Variants in CALML6 observed in about 807,000 individuals in gnomAD.
CALML6 encodes calmodulin like 6.
In CALML6, 27 loss-of-function variants were observed where a neutral mutation model predicts 25.0. The ratio of observed to expected loss-of-function variants is 1.08; its 90% CI spans 0.80 to 1.49. The LOEUF (loss-of-function observed/expected upper bound fraction) is 1.49, where lower values mean the gene tolerates loss of function less well. Among genes scored for constraint, CALML6 ranks in the 40% most tolerant of loss-of-function variants. The pLI is 0.00. For missense variants in CALML6, 239 were observed against 232.7 expected (o/e 1.03, Z -0.18); for synonymous variants, 97 against 87.2 (o/e 1.11, Z -0.63).
Position 1,917,181 on chromosome 1 carries a change from G to T in CALML6, c.534G>T (p.Lys178Asn). ...FVAMMTGESF[K>N]LIQ is the part of the protein sequence containing the mutation. ...CCATGATGACGGGGGAGTCCTTCAA[G>T]CTGATCCAGTAGGTGCAGCTGCCGC... is the stretch of plus-strand genomic sequence containing the variant. The change falls in exon 6 of 6, where the codon AAG becomes AAT. Residue 178 changes from lysine to asparagine, a missense_variant. This residue lies in a region of CALML6 where 231 missense variants were observed against 210.9 expected (regional missense o/e 1.10). Transcript: ENST00000307786. 6.2e-7 allele frequency: 1 copy of T among 1,604,226 alleles called. No homozygotes were observed. The highest frequency in any genetic ancestry group is 8.5e-7 in the Non-Finnish European group (1 of 1,176,846).
intron 2 of CALML6, 40 bp downstream of exon 2, chr1:1,915,775 CT>C: frequency 6.2e-7 from 1 of 1,604,310 alleles, no homozygotes; most frequent in Non-Finnish European, 8.5e-7. Flanking sequence ...CTCTGGTGGG[CT>C]GGCTGGGTAG....
At position 1,916,655 on chromosome 1, in the gene CALML6, G is replaced by A. The variant is rs200019110; in HGVS notation, c.253+40G>A. ...GGAGTGGGGTGGGCAGCCTCGGGGGGGCCCTGGGTCAGGTGTCAGTGCCTA... is the reference window on the plus strand; with the variant it reads ...GGAGTGGGGTGGGCAGCCTCGGGGGAGCCCTGGGTCAGGTGTCAGTGCCTA... On this transcript the variant is annotated intron_variant, in intron 3 of 5. Transcript: ENST00000307786. The A allele has an allele frequency of 1.9e-4, 305 of 1,602,994 alleles. 1 individual carries two copies. The African/African-American group carries it at 3.1e-3, about 16-fold the overall frequency.
intron 1 of CALML6, 65 bp from the exon 2 acceptor site, chr1:1,915,620 G>T: frequency 6.4e-7 from 1 of 1,562,496 alleles, no homozygotes; most frequent in South Asian, 1.1e-5. Flanking sequence ...GGACCCCGGG[G>T]ACCCCAGGCA....
In CALML6 at chr1:1,916,960, G is replaced by A. The variant is rs201599990; in HGVS notation, c.399-14G>A. ...GGCAGGGCCGATGGAGTGGCTCAGC[G>A]CCAGGCCCCGTAGGTACGTGCTAAT... On this transcript the variant is annotated splice_polypyrimidine_tract_variant and intron_variant, in intron 4 of 5. Coordinates refer to ENST00000307786, the MANE Select transcript of CALML6 (RefSeq NM_138705.4). 6 of 1,611,066 alleles carry A rather than the reference G, an allele frequency of 3.7e-6. No homozygotes were observed. Among genetic ancestry groups the A allele is most frequent in the Admixed American group, 1.7e-5 (1 of 59,920 alleles).
At position 1,917,238 on chromosome 1, in the gene CALML6, G is replaced by T. The variant is rs1161429395; in HGVS notation, c.*45G>T. The T allele has an allele frequency of 2.6e-6, 4 of 1,540,766 alleles. No individual in the cohort carries two copies. Among genetic ancestry groups the T allele is most frequent in the Non-Finnish European group, 3.5e-6 (4 of 1,143,604 alleles). On this transcript the variant is annotated 3_prime_UTR_variant, in exon 6 of 6. Transcript: ENST00000307786. ...GGGAGGCCTGCCCGGGAAGGCTGCT[G>T]CCCCTGCCCCCTGGCCCCCACTCCC...
intron 1 of CALML6, 60 bp downstream of exon 1, chr1:1,915,367 T>C: frequency 6.5e-7 from 1 of 1,548,096 alleles, no homozygotes; most frequent in Non-Finnish European, 8.7e-7. Context: ...GCCGCACCTC[T>C]GGGAAGGTAG....
intron 4 of CALML6, 27 bp from the exon 5 acceptor site, chr1:1,916,947 G>A: frequency 6.2e-7 from 1 of 1,611,514 alleles, no homozygotes; most frequent in Non-Finnish European, 8.5e-7. Context: ...CAGGGCCGAT[G>A]GAGTGGCTCA....
At chr1:1,916,638 G>A (rs773725031) in intron 3 of CALML6, 23 bp downstream of exon 3, 5 of 1,602,240 alleles carry the variant, frequency 3.1e-6, no homozygotes, top group South Asian at 1.1e-5. Context: ...CTGGAGTGGG[G>A]TGGGCAGCCT....
chr1:1,915,680 C>T lies in CALML6; in HGVS notation c.28-5C>T. On this transcript the variant is annotated splice_region_variant and splice_polypyrimidine_tract_variant and intron_variant, in intron 1 of 5. Coordinates refer to ENST00000307786, the MANE Select transcript of CALML6 (RefSeq NM_138705.4). ...GCCACCACTGCCCCAGCACTCTGCC[C>T]ACAGCAGCCCTGGTGTCACCACCCT... 1 of 1,613,176 alleles carries T rather than the reference C, an allele frequency of 6.2e-7. No homozygotes were observed. Among genetic ancestry groups the T allele is most frequent in the Non-Finnish European group, 8.5e-7 (1 of 1,179,920 alleles).
rs771480524 is a variant in CALML6 at position 1,916,868 on chromosome 1, A to G, written c.370A>G (p.Lys124Glu). The part of the protein sequence containing the change: ...AAFRVFDKEG[K>E]GYIDWNTLKY... Reference sequence around the variant, plus strand: ...ATTCCGTGTCTTTGACAAAGAGGGCAAGGGCTACATTGACTGGAACACACT... The same window carrying G: ...ATTCCGTGTCTTTGACAAAGAGGGCGAGGGCTACATTGACTGGAACACACT... Residue 124 changes from lysine to glutamate, a missense_variant, in exon 4 of 6, where the codon AAG becomes GAG. By Grantham distance (56) the Lys-to-Glu change is moderately conservative. Around this residue, in one of 2 missense-constraint regions of CALML6, gnomAD observed 231 missense variants for 210.9 expected, o/e 1.10. Transcript: ENST00000307786. 3 of 1,560,532 alleles carry G rather than the reference A, an allele frequency of 1.9e-6. No homozygotes were observed. Among genetic ancestry groups the G allele is most frequent in the Non-Finnish European group, 2.6e-6 (3 of 1,150,872 alleles).
chr1:1,915,333 G>A (rs1253021792), intron 1 of CALML6, 26 bp downstream of exon 1: 9 of 1,551,322 alleles, frequency 5.8e-6, no homozygotes, highest in Non-Finnish European at 7.8e-6. Flanking sequence ...ATGGGACCAG[G>A]GTCCCATGAA....
rs990822511 is a variant in CALML6 at position 1,915,751 on chromosome 1, G to A, written c.78+16G>A. On this transcript the variant is annotated intron_variant, in intron 2 of 5. Transcript: ENST00000307786. ...CACCGACATGGTAAGGCTGCTCTCT[G>A]TGCCCGATGGAGTCTCTGGTGGGCT... 12 of 1,612,858 alleles carry A rather than the reference G, an allele frequency of 7.4e-6. No individual in the cohort carries two copies. Among genetic ancestry groups the A allele is most frequent in the Non-Finnish European group, 1.0e-5 (12 of 1,179,720 alleles).
Position 1,916,475 on chromosome 1 carries a change from A to G in CALML6, c.113A>G (p.Tyr38Cys), listed in dbSNP as rs1651115780. ...CTGTCGGCTGAGCAGATCAAGGAGT[A>G]CAAGGGAGTCTTTGAGATGTTCGAC... Reference protein sequence around the residue: ...ERLSAEQIKEYKGVFEMFDEE... With the variant: ...ERLSAEQIKECKGVFEMFDEE... Residue 38 changes from tyrosine (Y) to cysteine (C), a missense_variant, in exon 3 of 6, where the codon TAC becomes TGC. By Grantham distance (194) the Tyr-to-Cys change is radical. Transcript: ENST00000307786. 1.3e-6 allele frequency: 2 copies of G among 1,564,262 alleles called. No homozygotes were observed. Among genetic ancestry groups the G allele is most frequent in the Non-Finnish European group, 1.7e-6 (2 of 1,154,698 alleles).
rs148438395 is a variant in CALML6 at position 1,916,527 on chromosome 1, G to A, written c.165G>A (p.Thr55=). The part of the protein sequence containing the change: ...FDEEGNGEVK[T]GELEWLMSLL... ...AAGAGGGCAACGGGGAGGTGAAGAC[G>A]GGGGAGCTGGAGTGGCTCATGAGCC... The change falls in exon 3 of 6, where the codon ACG becomes ACA. Residue 55 remains threonine, a synonymous_variant. Transcript: ENST00000307786. 1.9e-5 allele frequency: 31 copies of A among 1,610,176 alleles called. No homozygotes were observed. The highest frequency in any genetic ancestry group is 1.0e-4 in the Admixed American group (6 of 59,222).
chr1:1,915,352 G>A, intron 1 of CALML6, 45 bp downstream of exon 1: 2 of 1,550,012 alleles, frequency 1.3e-6, no homozygotes, highest in Non-Finnish European at 1.7e-6. Context: ...AAGACCTGCT[G>A]GAGGGCCGCA....
At position 1,916,537 on chromosome 1, in the gene CALML6, G is replaced by T. The variant is rs1372402892; in HGVS notation, c.175G>T (p.Glu59Ter). ...CGGGGAGGTGAAGACGGGGGAGCTG[G>T]AGTGGCTCATGAGCCTGCTGGGTAT... ...GNGEVKTGELEWLMSLLGINP... is the reference protein window; with the variant it reads ...GNGEVKTGEL Residue 59 changes from glutamate (E) to a stop codon, truncating the protein, a stop_gained, in exon 3 of 6, where the codon GAG becomes TAG. Transcript: ENST00000307786. LOFTEE classifies it high-confidence loss of function. 6.2e-7 allele frequency: 1 copy of T among 1,611,802 alleles called. No individual in the cohort carries two copies. Among genetic ancestry groups the T allele is most frequent in the Admixed American group, 1.7e-5 (1 of 59,588 alleles).
At position 1,916,806 on chromosome 1, in the gene CALML6, A is replaced by C; in HGVS notation, c.308A>C (p.Glu103Ala). The C allele has an allele frequency of 6.2e-7, 1 of 1,613,530 alleles. No individual in the cohort carries two copies. Among genetic ancestry groups the C allele is most frequent in the South Asian group, 1.1e-5 (1 of 91,090 alleles). ...GFLALMGVYH[E>A]KAQNQESELR... ...CTGGCACTAATGGGAGTTTACCATG[A>C]GAAGGCCCAGAACCAGGAGAGCGAG... The change falls in exon 4 of 6, where the codon GAG becomes GCG. Residue 103 changes from glutamate (E) to alanine (A), a missense_variant. By Grantham distance (107) the Glu-to-Ala change is moderately radical. Coordinates refer to ENST00000307786, the MANE Select transcript of CALML6 (RefSeq NM_138705.4).
At position 1,916,380 on chromosome 1, in the gene CALML6, C is replaced by T. The variant is rs1384656492; in HGVS notation, c.79-61C>T. On this transcript the variant is annotated intron_variant, in intron 2 of 5. Coordinates refer to ENST00000307786, the MANE Select transcript of CALML6 (RefSeq NM_138705.4). Reference sequence around the variant, plus strand: ...ATGGGTGCAGGGGGTACCTCTGACCCTTCCCTGGACACAGGGGCAGAAGGG... The same window carrying T: ...ATGGGTGCAGGGGGTACCTCTGACCTTTCCCTGGACACAGGGGCAGAAGGG... 13 of 1,432,338 alleles carry T rather than the reference C, an allele frequency of 9.1e-6. 1 individual carries two copies. Among genetic ancestry groups the T allele is most frequent in the Non-Finnish European group, 1.0e-5 (11 of 1,074,420 alleles). 88.7% of individuals were successfully genotyped at this position (1,432,338 alleles called of 1,614,324 possible).
intron 2 of CALML6, chr1:1,916,219 CT>C: frequency 2.0e-6 from 1 of 501,240 alleles, no homozygotes; most frequent in Non-Finnish European, 3.5e-6. Flanking sequence ...CTGTCTGGCC[CT>C]TGCCCCTGTT....
Sources: allele counts gnomAD v4.1 joint callset, GRCh38; gene constraint gnomAD v4.1.1; regional missense constraint gnomAD v4.1.1; transcripts MANE v1.5; gene names NCBI Gene and HGNC (gene_info 2026-07-23, HGNC 2026-07-21).